SLC28A1: variants seen among roughly 807,000 people sequenced by gnomAD.
The protein encoded by SLC28A1 is solute carrier family 28 member 1, also known as sodium/nucleoside cotransporter 1.
Under a neutral mutation model 74.8 loss-of-function variants are expected in SLC28A1, and 64 were observed. The ratio of observed to expected loss-of-function variants is 0.86; its 90% confidence interval spans 0.70 to 1.05. The LOEUF (loss-of-function observed/expected upper bound fraction) is 1.05. SLC28A1 is among the 50% of genes least tolerant of loss of function. The probability of loss-of-function intolerance (pLI) is 0.00; values close to 1 mark genes in which losing one functional copy is unlikely to be tolerated. For missense variants in SLC28A1, 828 were observed against 822.8 expected (o/e 1.01, Z -0.08); for synonymous variants, 359 against 335.0 (o/e 1.07, Z -0.78).
chr15:84,914,033 C>T (rs1968726084), intron 9 of SLC28A1, among the ~76,000 whole-genome samples: 1 of 152,218 alleles, frequency 6.6e-6, no homozygotes, highest in African/African-American at 2.4e-5. Flanking sequence ...ACTGCAGCCT[C>T]CATCTCCTTG....
the SLC28A1 span, among the ~76,000 whole-genome samples, chr15:84,968,247 A>C: frequency 5.9e-5 from 9 of 152,156 alleles, no homozygotes; most frequent in Admixed American, 5.9e-4. Context: ...GGGTAATAAT[A>C]AAGCTTGCTT....
At chr15:84,904,006 C>T (rs914636746) in intron 6 of SLC28A1, 91 bp from the exon 7 acceptor site, 1 of 1,558,434 alleles carries the variant, frequency 6.4e-7, no homozygotes, top group African/African-American at 1.4e-5. Context: ...CAGCCCTGAG[C>T]ACCCTTTCTC....
chr15:84,928,581 TCTTTCTTTCTTTCTTTCTTTC>T (rs1567172302), intron 12 of SLC28A1, among the ~76,000 whole-genome samples: 532 of 26,036 alleles, frequency 0.02, 87 homozygotes, highest in African/African-American at 0.15. Flanking sequence ...TTTCTTTCTT[TCTTTCTTTCTTTCTTTCTTTC>T]TTTTCTTTCT....
At chr15:84,912,102 A>G (rs1276667586) in intron 9 of SLC28A1, among the ~76,000 whole-genome samples, 1 of 152,176 alleles carries the variant, frequency 6.6e-6, no homozygotes, top group Non-Finnish European at 1.5e-5. Flanking sequence ...GCCAGGAAAG[A>G]GGAAGGAGGA....
At chr15:84,936,444 G>A (rs1971949549) in intron 15 of SLC28A1, among the ~76,000 whole-genome samples, 1 of 151,910 alleles carries the variant, frequency 6.6e-6, no homozygotes, top group Non-Finnish European at 1.5e-5. Context: ...TTTTAGTAGA[G>A]ACGGGGTTCA....
At chr15:84,957,201 T>C in the SLC28A1 span, among the ~76,000 whole-genome samples, 4 of 152,194 alleles carry the variant, frequency 2.6e-5, no homozygotes, top group African/African-American at 9.7e-5. Context: ...TTAAGAATAT[T>C]GTCATCACCC....
At chr15:84,886,916 G>A (rs1433695691) in intron 2 of SLC28A1, 129 bp downstream of exon 2, 1 of 381,306 alleles carries the variant, frequency 2.6e-6, no homozygotes, top group Non-Finnish European at 3.6e-6. Context: ...AGCCTAACTG[G>A]GCTGGCATTT....
chr15:84,969,753 G>A, the SLC28A1 span, among the ~76,000 whole-genome samples: 5 of 152,200 alleles, frequency 3.3e-5, no homozygotes, highest in Non-Finnish European at 4.4e-5. Flanking sequence ...AATCTCCATC[G>A]CTATGTAAAG....
At chr15:84,901,379 C>T (rs577521894) in intron 6 of SLC28A1, among the ~76,000 whole-genome samples, 1 of 152,192 alleles carries the variant, frequency 6.6e-6, no homozygotes, top group South Asian at 2.1e-4. Context: ...TGGTGACGGG[C>T]ACCTGTAGTC....
the SLC28A1 span, among the ~76,000 whole-genome samples, chr15:84,958,258 C>T: frequency 6.6e-6 from 1 of 152,120 alleles, no homozygotes; most frequent in East Asian, 1.9e-4. Context: ...CCTTCTGGAA[C>T]CCTGTGTTAT....
chr15:84,910,448 G>C (rs1967987847), intron 9 of SLC28A1, among the ~76,000 whole-genome samples: 1 of 152,206 alleles, frequency 6.6e-6, no homozygotes, highest in African/African-American at 2.4e-5. Context: ...CACACACTCA[G>C]CTGGGCGCGG....
At position 84,915,946 on chromosome 15, in the gene SLC28A1, G is replaced by GTTC. The variant is rs1340037642; in HGVS notation, c.796-2576_796-2575insCTT. On this transcript the variant is annotated intron_variant, in intron 9 of 18. Transcript: ENST00000394573. ...ACCTCAACCTGTTGTTGTTGTTGTT[G>GTTC]TTGTTGTTCTTCTTCTTATTATTAT... Among the ~76,000 whole-genome samples the GTTC allele has an allele frequency of 8.1e-4, 102 of 126,462 alleles. 1 individual carries two copies. Among genetic ancestry groups the GTTC allele is most frequent in the African/African-American group, 2.4e-3 (89 of 36,960 alleles). The allele number at this position is 126,462 out of a possible 152,430, so 83.0% of individuals were successfully genotyped here. A position where few individuals can be genotyped will look rare whatever the true frequency, so the allele number is the denominator to read the frequency against.
chr15:84,943,705 G>C (rs1455783179), intron 16 of SLC28A1, among the ~76,000 whole-genome samples, 179 bp downstream of exon 16: 1 of 152,100 alleles, frequency 6.6e-6, no homozygotes, highest in East Asian at 1.9e-4. Flanking sequence ...CAGGTGGGTG[G>C]ATCATTTGAG....
chr15:84,956,459 C>G, the SLC28A1 span, among the ~76,000 whole-genome samples: 1 of 78,730 alleles, frequency 1.3e-5, no homozygotes, highest in Non-Finnish European at 2.8e-5. Flanking sequence ...TTCTTTCTTT[C>G]TTTCTTTCCT....
intron 8 of SLC28A1, among the ~76,000 whole-genome samples, chr15:84,906,613 CCTTCCTTCCT>C (rs1967281417): frequency 2.1e-5 from 3 of 145,994 alleles, no homozygotes; most frequent in South Asian, 2.2e-4. Flanking sequence ...TTCCTTCCTT[CCTTCCTTCCT>C]TCCCTCCTTC....
chr15:84,925,083 T>A (rs975759732), intron 12 of SLC28A1, among the ~76,000 whole-genome samples: 6 of 140,036 alleles, frequency 4.3e-5, no homozygotes, highest in Non-Finnish European at 6.3e-5. Context: ...TTTTTTTTTT[T>A]TTTTTTTTTG....
rs1353085508 is a variant in SLC28A1 at position 84,924,052 on chromosome 15, T to A, written c.1025T>A (p.Met342Lys). The A allele has an allele frequency of 3.7e-6, 6 of 1,613,900 alleles. No homozygotes were observed. The highest frequency in any genetic ancestry group is 5.1e-6 in the Non-Finnish European group (6 of 1,180,022). Residue 342 changes from methionine to lysine, a missense_variant, in exon 12 of 19, where the codon ATG becomes AAG. Met to Lys is a moderately conservative substitution (Grantham distance 95). Coordinates refer to ENST00000394573, the MANE Select transcript of SLC28A1 (RefSeq NM_004213.5). ...ACACTCTCTGAAGTCCACGTTGTCATGACCGGAGGTTACGCCACCATTGCT... is the reference window on the plus strand; with the variant it reads ...ACACTCTCTGAAGTCCACGTTGTCAAGACCGGAGGTTACGCCACCATTGCT... ...DMTLSEVHVV[M>K]TGGYATIAGS...
intron 15 of SLC28A1, among the ~76,000 whole-genome samples, chr15:84,935,753 T>C (rs1410075164): frequency 1.3e-5 from 2 of 152,134 alleles, no homozygotes; most frequent in Non-Finnish European, 2.9e-5. Context: ...TTGGGATGTC[T>C]GAAAGCTGGC....
At chr15:84,935,841 T>C (rs1304369148) in intron 15 of SLC28A1, among the ~76,000 whole-genome samples, 1 of 151,734 alleles carries the variant, frequency 6.6e-6, no homozygotes, top group Non-Finnish European at 1.5e-5. Flanking sequence ...CGGGGTGAGA[T>C]GACTGCCACA....
Sources: gnomAD v4.1 joint callset for allele counts (sites outside exome capture counted in the v4.1 genomes callset) on GRCh38, gnomAD v4.1.1 for gene constraint, MANE v1.5 for transcripts, NCBI Gene and HGNC (gene_info 2026-07-23, HGNC 2026-07-21) for gene names.